The following TRHDE variants were observed in gnomAD, a reference collection of about 807,000 sequenced individuals.
TRHDE encodes thyrotropin releasing hormone degrading enzyme, also known as thyrotropin-releasing hormone-degrading ectoenzyme.
TRHDE carries 72 observed loss-of-function variants against 125.7 expected under a neutral mutation model. That is an observed-to-expected ratio of 0.57 (90% CI 0.47 to 0.70). The LOEUF (loss-of-function observed/expected upper bound fraction) is 0.70, where lower values mean the gene tolerates loss of function less well. Ranked by LOEUF, TRHDE falls within the 30% of genes least tolerant of loss-of-function variation. The pLI, the probability that TRHDE is intolerant of heterozygous loss-of-function variation, is 0.00. For missense variants in TRHDE, 1,110 were observed against 1,327.1 expected (o/e 0.84, Z 2.54); for synonymous variants, 509 against 509.1 (o/e 1.00, Z 0.00).
chr12:72,478,798 G>A, intron 5 of TRHDE, among the ~76,000 whole-genome samples: 1 of 151,064 alleles, frequency 6.6e-6, no homozygotes. Flanking sequence ...CATGCATTGA[G>A]AATTAAACTA....
intron 5 of TRHDE, among the ~76,000 whole-genome samples, chr12:72,476,903 A>G (rs1354973895): frequency 1.3e-5 from 2 of 152,186 alleles, no homozygotes; most frequent in African/African-American, 4.8e-5. Flanking sequence ...AAGGAATACT[A>G]CATATGATAA....
chr12:72,139,001 T>C (rs553504232), intron 2 of TRHDE, among the ~76,000 whole-genome samples: 1 of 152,220 alleles, frequency 6.6e-6, no homozygotes, highest in East Asian at 1.9e-4. Flanking sequence ...AACCAAATGA[T>C]GAGCAGTAGA....
At chr12:72,231,941 T>C (rs1878254895) in intron 2 of TRHDE, among the ~76,000 whole-genome samples, 2 of 152,194 alleles carry the variant, frequency 1.3e-5, no homozygotes, top group South Asian at 2.1e-4. Context: ...CTAGTCTGAA[T>C]GGAAAGAAAA....
intron 5 of TRHDE, among the ~76,000 whole-genome samples, chr12:72,476,502 A>C (rs1342750571): frequency 6.6e-6 from 1 of 152,220 alleles, no homozygotes; most frequent in Non-Finnish European, 1.5e-5. Context: ...TGGCTGTGTC[A>C]GCAGTAACTC....
chr12:72,237,957 C>T (rs1435962574), intron 2 of TRHDE, among the ~76,000 whole-genome samples: 1 of 151,664 alleles, frequency 6.6e-6, no homozygotes, highest in African/African-American at 2.4e-5. Flanking sequence ...TCCAGCAAGA[C>T]CACTGTGGTT....
chr12:72,154,910 C>G (rs1463362646), intron 2 of TRHDE, among the ~76,000 whole-genome samples: 2 of 152,064 alleles, frequency 1.3e-5, no homozygotes, highest in Non-Finnish European at 2.9e-5. Flanking sequence ...TTGTGGCATT[C>G]TCTGTACTTC....
intron 2 of TRHDE, among the ~76,000 whole-genome samples, chr12:72,124,174 C>A (rs1875658787): frequency 6.6e-6 from 1 of 152,134 alleles, no homozygotes; most frequent in Non-Finnish European, 1.5e-5. Flanking sequence ...ACCATAATTG[C>A]ATATTCTTAT....
chr12:72,397,905 C>T (rs1184894774), intron 3 of TRHDE, among the ~76,000 whole-genome samples: 5 of 151,622 alleles, frequency 3.3e-5, no homozygotes, highest in African/African-American at 1.2e-4. Flanking sequence ...CACATGTATA[C>T]ATATGCCATG....
rs557775912 is a variant in TRHDE, at chr12:72,107,266, C to T, written n.279+1514C>T. On this transcript the variant is annotated intron_variant and non_coding_transcript_variant, in intron 2 of 4. Coordinates refer to the TRHDE transcript ENST00000548156. ...CTAATAATGTGCTATCCCACAAATT[C>T]ATTGGCAGCTTTGTTTTTTACTTGT... is the stretch of plus-strand genomic sequence containing the variant. Among the ~76,000 whole-genome samples, 23 of 152,212 alleles carry T rather than the reference C, an allele frequency of 1.5e-4. No homozygotes were observed. In the South Asian group the frequency reaches 4.3e-3, roughly 29 times the overall value.
Position 72,542,368 on chromosome 12 carries a change from G to A in TRHDE, c.1788+12G>A. ...AGAGGGGTTTGCAAGTAAGTAAAAT[G>A]CTTTTTATTTTCTTTTACATTTTTC... On this transcript the variant is annotated intron_variant, in intron 7 of 18. Transcript: ENST00000261180. 6.3e-7 allele frequency: 1 copy of A among 1,594,702 alleles called. No homozygotes were observed. Among genetic ancestry groups the A allele is most frequent in the Non-Finnish European group, 8.6e-7 (1 of 1,168,512 alleles).
intron 2 of TRHDE, among the ~76,000 whole-genome samples, chr12:72,165,047 G>A (rs983308382): frequency 6.6e-6 from 1 of 152,042 alleles, no homozygotes; most frequent in African/African-American, 2.4e-5. Context: ...AAAATAGATG[G>A]GCAGCTCACT....
At chr12:72,547,151 G>GT (rs5799079) in intron 7 of TRHDE, among the ~76,000 whole-genome samples, 11,173 of 143,804 alleles carry the variant, frequency 0.078, 875 homozygotes, top group African/African-American at 0.2. Context: ...ATTTTTACTT[G>GT]TTTTTTTTTT....
At chr12:72,358,430 C>A (rs529818341) in intron 2 of TRHDE, among the ~76,000 whole-genome samples, 2 of 151,444 alleles carry the variant, frequency 1.3e-5, no homozygotes, top group Non-Finnish European at 3.0e-5. Flanking sequence ...TTTTGTCTAC[C>A]TTGCTTTATT....
At chr12:72,258,325 C>T (rs1408692126) in intron 2 of TRHDE, 1 of 152,088 alleles carries the variant, frequency 6.6e-6, no homozygotes, top group Non-Finnish European at 1.5e-5. Flanking sequence ...AAAGCTGGTG[C>T]CTACAGGATG....
At chr12:72,390,353 A>G (rs1200979384) in intron 3 of TRHDE, among the ~76,000 whole-genome samples, 1 of 152,212 alleles carries the variant, frequency 6.6e-6, no homozygotes, top group East Asian at 1.9e-4. Flanking sequence ...TAGCAATCCA[A>G]AGCCCCAGAG....
chr12:72,533,366 G>C (rs1213323087), intron 6 of TRHDE, among the ~76,000 whole-genome samples: 1 of 151,766 alleles, frequency 6.6e-6, no homozygotes, highest in Non-Finnish European at 1.5e-5. Context: ...GTAGAGATGG[G>C]GTTTCACCAT....
At chr12:72,200,193 C>T (rs915966553) in intron 2 of TRHDE, among the ~76,000 whole-genome samples, 3 of 152,084 alleles carry the variant, frequency 2.0e-5, no homozygotes, top group Admixed American at 6.5e-5. Context: ...CAGTGTCAGT[C>T]GCAATCCATT....
intron 5 of TRHDE, among the ~76,000 whole-genome samples, chr12:72,498,844 A>T (rs1253187593): frequency 6.6e-6 from 1 of 152,136 alleles, no homozygotes; most frequent in Non-Finnish European, 1.5e-5. Flanking sequence ...ATACCTATTG[A>T]TCTCTACTTT....
intron 15 of TRHDE, among the ~76,000 whole-genome samples, chr12:72,639,246 T>A (rs1873919171): frequency 6.6e-6 from 1 of 152,116 alleles, no homozygotes; most frequent in Admixed American, 6.5e-5. Context: ...TCGCTTCATT[T>A]CATTCATTTC....
Sources: allele counts gnomAD v4.1 joint callset (sites outside exome capture counted in the v4.1 genomes callset), GRCh38; gene constraint gnomAD v4.1.1; transcripts MANE v1.5; gene names NCBI Gene and HGNC (gene_info 2026-07-23, HGNC 2026-07-21).